SLC1A2: variants seen among roughly 807,000 people sequenced by gnomAD.
The protein encoded by SLC1A2 is excitatory amino acid transporter 2.
SLC1A2 carries 15 observed loss-of-function variants against 48.8 expected under a neutral mutation model. The observed-to-expected ratio is 0.31, with a 90% CI of 0.21 to 0.47. The LOEUF is 0.47. Ranked by LOEUF, SLC1A2 falls within the 20% of genes least tolerant of loss-of-function variation. The probability of loss-of-function intolerance (pLI) is 0.99; values close to 1 mark genes in which losing one functional copy is unlikely to be tolerated. For missense variants in SLC1A2, 502 were observed against 730.5 expected (o/e 0.69, Z 3.61); for synonymous variants, 279 against 272.6 (o/e 1.02, Z -0.23).
chr11:35,286,308 G>C (rs1250974362), intron 8 of SLC1A2: 1 of 153,260 alleles, frequency 6.5e-6, no homozygotes, highest in African/African-American at 2.4e-5. Flanking sequence ...ATATTGAAGG[G>C]AGCATATTTC....
intron 7 of SLC1A2, among the ~76,000 whole-genome samples, chr11:35,290,627 TG>T (rs1850970149): frequency 6.6e-6 from 1 of 151,576 alleles, no homozygotes; most frequent in Non-Finnish European, 1.5e-5. Flanking sequence ...ATTTTATTTT[TG>T]TTTTCTGGTT....
chr11:35,379,555 A>G (rs1468917124), intron 1 of SLC1A2, among the ~76,000 whole-genome samples: 1 of 152,226 alleles, frequency 6.6e-6, no homozygotes, highest in Non-Finnish European at 1.5e-5. Flanking sequence ...TTCAGGCTTG[A>G]GAACATGCCA....
chr11:35,367,955 ATAT>A (rs1590235501), intron 1 of SLC1A2, among the ~76,000 whole-genome samples: 1 of 152,196 alleles, frequency 6.6e-6, no homozygotes, highest in Non-Finnish European at 1.5e-5. Flanking sequence ...TTCTAGCTAG[ATAT>A]TATTGTCTGC....
chr11:35,411,000 T>G (rs1311930812), intron 1 of SLC1A2, among the ~76,000 whole-genome samples: 1 of 152,186 alleles, frequency 6.6e-6, no homozygotes, highest in Non-Finnish European at 1.5e-5. Context: ...GAATCTAAAG[T>G]TCAATGCTCT....
chr11:35,274,885 C>A (rs1850390157), intron 9 of SLC1A2, among the ~76,000 whole-genome samples: 1 of 152,206 alleles, frequency 6.6e-6, no homozygotes. Flanking sequence ...TCTTTTCAAT[C>A]TATTTTTTTG....
At chr11:35,336,829 T>G (rs1015184593) in intron 1 of SLC1A2, among the ~76,000 whole-genome samples, 9 of 152,180 alleles carry the variant, frequency 5.9e-5, no homozygotes, top group African/African-American at 2.2e-4. Context: ...ATATGGCCCA[T>G]GAAGCCTAAA....
At chr11:35,333,410 C>G (rs1474013468) in intron 1 of SLC1A2, among the ~76,000 whole-genome samples, 1 of 133,138 alleles carries the variant, frequency 7.5e-6, no homozygotes, top group East Asian at 2.1e-4. Context: ...GAATGAGACT[C>G]TGCCTCAGGA....
At chr11:35,329,800 G>A (rs1297155624) in intron 1 of SLC1A2, among the ~76,000 whole-genome samples, 1 of 152,150 alleles carries the variant, frequency 6.6e-6, no homozygotes, top group Non-Finnish European at 1.5e-5. Flanking sequence ...CCTTTATGGT[G>A]AGCCTATATC....
intron 1 of SLC1A2, among the ~76,000 whole-genome samples, chr11:35,357,690 T>C (rs1265776598): frequency 2.6e-5 from 4 of 152,204 alleles, no homozygotes; most frequent in Non-Finnish European, 5.9e-5. Context: ...CATATTCTCA[T>C]ATGGCAACCT....
chr11:35,316,148 A>G (rs1851869573), intron 2 of SLC1A2: 2 of 152,258 alleles, frequency 1.3e-5, no homozygotes, highest in African/African-American at 4.8e-5. Context: ...GGAGGAAACA[A>G]TTTAGGCAGA....
chr11:35,347,727 G>A (rs1354394950), intron 1 of SLC1A2, among the ~76,000 whole-genome samples: 3 of 152,180 alleles, frequency 2.0e-5, no homozygotes, highest in Admixed American at 1.3e-4. Context: ...GGAAAACAGA[G>A]ATCATTGTGC....
chr11:35,292,478 G>A lies in SLC1A2; in HGVS notation c.900C>T (p.Ile300=). Residue 300 remains isoleucine, a synonymous_variant, in exon 7 of 11, where the codon ATC becomes ATT. Coordinates refer to ENST00000278379, the MANE Select transcript of SLC1A2 (RefSeq NM_004171.4). ...CCACTTCTAAGTCCTTGATTGCAAT[G>A]ATCTTTCCACAGATCAGGCAGGCGA... is the stretch of plus-strand genomic sequence containing the variant. ...LGIACLICGK[I]IAIKDLEVVA... 6.2e-7 allele frequency: 1 copy of A among 1,613,862 alleles called. No individual in the cohort carries two copies. The highest frequency in any genetic ancestry group is 8.5e-7 in the Non-Finnish European group (1 of 1,179,844).
chr11:35,337,302 C>T (rs1334707245), intron 1 of SLC1A2, among the ~76,000 whole-genome samples: 1 of 152,100 alleles, frequency 6.6e-6, no homozygotes, highest in Non-Finnish European at 1.5e-5. Flanking sequence ...TGCCAGCATG[C>T]TAAGCGAATA....
intron 1 of SLC1A2, among the ~76,000 whole-genome samples, chr11:35,395,229 C>A (rs1854914056): frequency 6.6e-6 from 1 of 151,874 alleles, no homozygotes; most frequent in South Asian, 2.1e-4. Context: ...CAGAGCTAAT[C>A]TCTCAGGTGA....
intron 1 of SLC1A2, among the ~76,000 whole-genome samples, chr11:35,323,976 T>C (rs1852157643): frequency 6.6e-6 from 1 of 152,214 alleles, no homozygotes. Flanking sequence ...AAACTGGCAT[T>C]GGGACCAGCA....
chr11:35,319,107 A>G (rs1851976522), intron 1 of SLC1A2, among the ~76,000 whole-genome samples: 1 of 152,222 alleles, frequency 6.6e-6, no homozygotes, highest in Non-Finnish European at 1.5e-5. Context: ...ATATGTGTGC[A>G]ATAACAATCC....
At chr11:35,317,808 T>C (rs1196036552) in intron 1 of SLC1A2, among the ~76,000 whole-genome samples, 1 of 152,202 alleles carries the variant, frequency 6.6e-6, no homozygotes, top group Non-Finnish European at 1.5e-5. Context: ...ACAGAGCCTT[T>C]ACTTGAGTCT....
intron 4 of SLC1A2, among the ~76,000 whole-genome samples, chr11:35,308,949 C>A (rs1283123542): frequency 6.6e-6 from 1 of 152,228 alleles, no homozygotes; most frequent in Non-Finnish European, 1.5e-5. Context: ...CATGCCTGAG[C>A]TGAGTTTACC....
chr11:35,297,317 C>T (rs1565222607), intron 6 of SLC1A2, among the ~76,000 whole-genome samples: 1 of 152,032 alleles, frequency 6.6e-6, no homozygotes, highest in South Asian at 2.1e-4. Flanking sequence ...ATACTCCTTA[C>T]CCCCGAGCAT....
Sources: gnomAD v4.1 joint callset for allele counts (sites outside exome capture counted in the v4.1 genomes callset) on GRCh38, gnomAD v4.1.1 for gene constraint, MANE v1.5 for transcripts, NCBI Gene and HGNC (gene_info 2026-07-23, HGNC 2026-07-21) for gene names.